The following ATAD3A variants were observed in gnomAD, a reference collection of about 807,000 sequenced individuals.
ATAD3A encodes the protein ATPase family AAA domain-containing protein 3A.
A neutral mutation model predicts 73.8 loss-of-function variants in ATAD3A; 46 were observed. The observed-to-expected ratio is 0.62, with a 90% CI of 0.49 to 0.80. The LOEUF (loss-of-function observed/expected upper bound fraction) is 0.80. ATAD3A is among the 30% of genes least tolerant of loss of function. The probability of loss-of-function intolerance (pLI) is 0.00; values close to 1 mark genes in which losing one functional copy is unlikely to be tolerated. For missense variants in ATAD3A, 705 were observed against 838.0 expected, an observed-to-expected ratio of 0.84 and a Z score of 1.96; for synonymous variants, 319 against 350.0, an observed-to-expected ratio of 0.91 and a Z score of 0.99.
chr1:1,534,168 G>C lies in ATAD3A; in HGVS notation c.*96G>C. 1 of 1,597,120 alleles carries C rather than the reference G, an allele frequency of 6.3e-7. No individual in the cohort carries two copies. Among genetic ancestry groups the C allele is most frequent in the Non-Finnish European group, 8.5e-7 (1 of 1,173,268 alleles). ...GCACATTTAGGATATGCTCCTGGGT[G>C]GGGACTGGGCTGTGCCCAGGGCCTC... On this transcript the variant is annotated 3_prime_UTR_variant, in exon 16 of 16. Transcript: ENST00000378756.
At chr1:1,516,602 G>A (rs1035428854) in intron 2 of ATAD3A, among the ~76,000 whole-genome samples, 2 of 151,950 alleles carry the variant, frequency 1.3e-5, no homozygotes, top group African/African-American at 4.8e-5. Context: ...TAGTAGAGTC[G>A]GGGTTTCACC....
chr1:1,532,512 CAT>C (rs1173955312), intron 15 of ATAD3A, among the ~76,000 whole-genome samples: 1 of 152,220 alleles, frequency 6.6e-6, no homozygotes, highest in Non-Finnish European at 1.5e-5. Flanking sequence ...TGGTGAACAT[CAT>C]GTGTCACTGT....
chr1:1,527,070 C>T (rs1641873239), intron 13 of ATAD3A: 1 of 861,542 alleles, frequency 1.2e-6, no homozygotes, highest in Non-Finnish European at 1.6e-6. Context: ...GCCCAGAGGT[C>T]CCCCATAGGG....
rs367735014 is a variant in ATAD3A at position 1,526,546 on chromosome 1, C to T, written c.1337+15C>T. The T allele has an allele frequency of 1.5e-3, 2,402 of 1,612,032 alleles. 59 individuals carry two copies. The South Asian group carries it at 0.025, about 17-fold the overall frequency. ...CACAGCAACAAGTGAGGGAGCCCCT[C>T]GGGTCCTGGGCCCCCGGGCAGGGCT... On this transcript the variant is annotated intron_variant, in intron 13 of 15. Coordinates refer to ENST00000378756, the MANE Select transcript of ATAD3A (RefSeq NM_001170535.3).
Position 1,512,350 on chromosome 1 carries a change from G to A in ATAD3A, c.82G>A (p.Gly28Arg). Residue 28 changes from glycine (G) to arginine (R), a missense_variant, in exon 1 of 16, where the codon GGG (glycine) becomes AGG (arginine). This residue lies in a region of ATAD3A where 125 missense variants were observed against 170.6 expected (regional missense o/e 0.73). Coordinates refer to ENST00000378756, the MANE Select transcript of ATAD3A (RefSeq NM_001170535.3). ...GCCGCCTTTGCCGCCCGCGCAGCCC[G>A]GGGCCGAGGGCGGCGGGGACCGCGG... is the stretch of plus-strand genomic sequence containing the variant. ...PPPPLPPAQP[G>R]AEGGGDRGLG... is the part of the protein sequence containing the mutation. 2.4e-6 allele frequency: 3 copies of A among 1,243,554 alleles called. No homozygotes were observed. The highest frequency in any genetic ancestry group is 4.1e-5 in the South Asian group (1 of 24,632). The allele number at this position is 1,243,554 out of a possible 1,614,324, so 77.0% of individuals were successfully genotyped here.
intron 15 of ATAD3A, among the ~76,000 whole-genome samples, chr1:1,533,677 C>T (rs923667159): frequency 8.5e-5 from 13 of 152,142 alleles, no homozygotes; most frequent in South Asian, 4.1e-4. Context: ...CCGCCTTGGG[C>T]TTTCTATTAT....
intron 14 of ATAD3A, 116 bp from the exon 15 acceptor site, chr1:1,529,107 C>G (rs1641947592): frequency 1.4e-6 from 2 of 1,462,106 alleles, no homozygotes; most frequent in African/African-American, 2.8e-5. Context: ...AAGTAGAGAG[C>G]CCCTCCAAAG....
intron 1 of ATAD3A, among the ~76,000 whole-genome samples, chr1:1,514,752 C>G (rs1221075250): frequency 6.6e-6 from 1 of 152,194 alleles, no homozygotes; most frequent in African/African-American, 2.4e-5. Context: ...CTGCAGTTGA[C>G]TCTGAAGGCT....
rs373408190 is a variant in ATAD3A, at chr1:1,518,786, C to T, written c.445-135C>T. 1,042 of 1,547,824 alleles carry T rather than the reference C, an allele frequency of 6.7e-4. 7 individuals are homozygous for T. In the East Asian group the frequency reaches 0.022, roughly 32 times the overall value. On this transcript the variant is annotated intron_variant, in intron 4 of 15. Coordinates refer to ENST00000378756, the MANE Select transcript of ATAD3A (RefSeq NM_001170535.3). Reference sequence around the variant, plus strand: ...TGCACATTCGGGCACCGTCACCCCCCGCAAACGGGCACCGTCACACCCCGC... The same window carrying T: ...TGCACATTCGGGCACCGTCACCCCCTGCAAACGGGCACCGTCACACCCCGC...
intron 14 of ATAD3A, among the ~76,000 whole-genome samples, chr1:1,528,909 C>A (rs1282958421): frequency 2.0e-5 from 3 of 152,258 alleles, no homozygotes; most frequent in Non-Finnish European, 4.4e-5. Flanking sequence ...TCCAGGCAGA[C>A]GCTTTTGCTA....
At chr1:1,532,893 T>C (rs1438423928) in intron 15 of ATAD3A, among the ~76,000 whole-genome samples, 2 of 147,156 alleles carry the variant, frequency 1.4e-5, no homozygotes, top group African/African-American at 2.5e-5. Flanking sequence ...CCGGGGCCCC[T>C]GACCCACAGT....
At chr1:1,518,306 G>T (rs1641442411) in intron 4 of ATAD3A, among the ~76,000 whole-genome samples, 1 of 80,732 alleles carries the variant, frequency 1.2e-5, no homozygotes, top group Non-Finnish European at 2.4e-5. Context: ...ACACACACAG[G>T]CGCACACATA....
At chr1:1,525,659 C>T (rs1354542325) in intron 12 of ATAD3A, among the ~76,000 whole-genome samples, 2 of 152,130 alleles carry the variant, frequency 1.3e-5, no homozygotes, top group Admixed American at 1.3e-4. Flanking sequence ...CGTGATCCTC[C>T]CGCCTTGGCC....
Position 1,520,443 on chromosome 1 carries a change from C to T in ATAD3A, c.681-105C>T. The T allele has an allele frequency of 1.9e-6, 3 of 1,603,928 alleles. No individual in the cohort carries two copies. The highest frequency in any genetic ancestry group is 2.6e-6 in the Non-Finnish European group (3 of 1,173,130). ...TTGGTGGGGGCACTGCCCCTCTGTCCTGGCAAGGCCGTGCCGCCATGTCAG... is the reference window on the plus strand; with the variant it reads ...TTGGTGGGGGCACTGCCCCTCTGTCTTGGCAAGGCCGTGCCGCCATGTCAG... On this transcript the variant is annotated intron_variant, in intron 6 of 15. Transcript: ENST00000378756. The surrounding 1 kb of genome is among the most constrained non-coding windows in gnomAD (Gnocchi z 4.0).
chr1:1,523,181 C>T lies in ATAD3A; in HGVS notation c.906+282C>T, dbSNP rs1641665842. Among the ~76,000 whole-genome samples the T allele has an allele frequency of 6.6e-6, 1 of 151,994 alleles. No individual in the cohort carries two copies. Among genetic ancestry groups the T allele is most frequent in the African/African-American group, 2.4e-5 (1 of 41,312 alleles). On this transcript the variant is annotated intron_variant, in intron 8 of 15. Coordinates refer to ENST00000378756, the MANE Select transcript of ATAD3A (RefSeq NM_001170535.3). The surrounding 1 kb of genome is among the most constrained non-coding windows in gnomAD (Gnocchi z 5.1). ...CAAGACCCGGGACTTGGGTGTGCGG[C>T]CGTCTATCAGGGAAGCTGCTACAGG...
Position 1,523,190 on chromosome 1 carries a change from A to G in ATAD3A, c.906+291A>G, listed in dbSNP as rs112988335. 0.067 allele frequency among the ~76,000 whole-genome samples: 10,203 copies of G among 151,704 alleles called. 1,033 individuals are homozygous for G. The highest frequency in any genetic ancestry group is 0.22 in the African/African-American group (8,918 of 41,094). On this transcript the variant is annotated intron_variant, in intron 8 of 15. Coordinates refer to ENST00000378756, the MANE Select transcript of ATAD3A (RefSeq NM_001170535.3). This position sits in a 1 kb window ranked among gnomAD's most constrained non-coding sequence, Gnocchi z 5.1. Reference sequence around the variant, plus strand: ...GGACTTGGGTGTGCGGCCGTCTATCAGGGAAGCTGCTACAGGCCACGGCGT... The same window carrying G: ...GGACTTGGGTGTGCGGCCGTCTATCGGGGAAGCTGCTACAGGCCACGGCGT...
At chr1:1,525,632 T>G (rs576767828) in intron 12 of ATAD3A, among the ~76,000 whole-genome samples, 73 of 152,278 alleles carry the variant, frequency 4.8e-4, no homozygotes, top group African/African-American at 1.6e-3. Flanking sequence ...GCCAGGATGG[T>G]CTCGATCTCC....
chr1:1,533,123 A>G (rs958310593), intron 15 of ATAD3A, among the ~76,000 whole-genome samples: 3 of 152,128 alleles, frequency 2.0e-5, no homozygotes, highest in Non-Finnish European at 4.4e-5. Flanking sequence ...CGTGAGATGA[A>G]TCCTGCCTCT....
At chr1:1,525,688 A>G (rs918706279) in intron 12 of ATAD3A, among the ~76,000 whole-genome samples, 1 of 152,086 alleles carries the variant, frequency 6.6e-6, no homozygotes, top group African/African-American at 2.4e-5. Context: ...TGCTGGGATT[A>G]CAGGCGTGAG....
Sources: allele counts gnomAD v4.1 joint callset (sites outside exome capture counted in the v4.1 genomes callset), GRCh38; gene constraint gnomAD v4.1.1; regional missense constraint gnomAD v4.1.1; non-coding constraint Gnocchi (gnomAD v3.1); transcripts MANE v1.5; gene names NCBI Gene and HGNC (gene_info 2026-07-23, HGNC 2026-07-21).